The following ZNF384 variants were observed in gnomAD, a reference collection of about 807,000 sequenced individuals.
The protein encoded by ZNF384 is zinc finger protein 384.
Under a neutral mutation model 65.0 loss-of-function variants are expected in ZNF384, and 20 were observed. The ratio of observed to expected loss-of-function variants is 0.31; its 90% confidence interval spans 0.22 to 0.45. The LOEUF (loss-of-function observed/expected upper bound fraction) is 0.45. Ranked by LOEUF, ZNF384 falls within the 20% of genes least tolerant of loss-of-function variation. The pLI is 1.00. For missense variants in ZNF384, 549 were observed against 769.4 expected, an observed-to-expected ratio of 0.71 and a Z score of 3.39; for synonymous variants, 310 against 303.9, an observed-to-expected ratio of 1.02 and a Z score of -0.21.
At chr12:6,674,388 C>G (rs920411009) in intron 7 of ZNF384, among the ~76,000 whole-genome samples, 1 of 152,214 alleles carries the variant, frequency 6.6e-6, no homozygotes, top group Non-Finnish European at 1.5e-5. Flanking sequence ...AGCTATCTTT[C>G]ATTTTCGTAA....
chr12:6,667,367 A>G lies in ZNF384; in HGVS notation c.*347T>C. On this transcript the variant is annotated 3_prime_UTR_variant, in exon 12 of 12. Transcript: ENST00000683879. Reference sequence around the variant, plus strand: ...TACATCAGCCCAAACTTTGAGGATAAGGAGGGTAAGGATAGGGTAAGTGGC... The same window carrying G: ...TACATCAGCCCAAACTTTGAGGATAGGGAGGGTAAGGATAGGGTAAGTGGC... 1 of 449,592 alleles carries G rather than the reference A, an allele frequency of 2.2e-6. No homozygotes were observed. Among genetic ancestry groups the G allele is most frequent in the Non-Finnish European group, 4.1e-6 (1 of 241,274 alleles). 27.9% of individuals were successfully genotyped at this position (449,592 alleles called of 1,614,324 possible).
chr12:6,667,798 C>G lies in ZNF384; in HGVS notation c.1743G>C (p.Pro581=). The G allele has an allele frequency of 6.2e-7, 1 of 1,614,192 alleles. No homozygotes were observed. Among genetic ancestry groups the G allele is most frequent in the East Asian group, 2.2e-5 (1 of 44,874 alleles). The change falls in exon 12 of 12, where the codon CCG becomes CCC. Residue 581 remains proline (P), a synonymous_variant. Transcript: ENST00000683879. The part of the protein sequence containing the change: ...PPPQCSFDLT[P]YKTAEHHKDI... Reference sequence around the variant, plus strand: ...CCTTATGATGCTCCGCCGTCTTATACGGGGTCAGGTCAAAGGAACACTGGG... The same window carrying G: ...CCTTATGATGCTCCGCCGTCTTATAGGGGGTCAGGTCAAAGGAACACTGGG...
intron 2 of ZNF384, among the ~76,000 whole-genome samples, chr12:6,685,159 C>CA (rs1957451175): frequency 6.6e-6 from 1 of 151,770 alleles, no homozygotes; most frequent in Admixed American, 6.6e-5. Context: ...CCTGTATCTA[C>CA]AAAAAATTAA....
chr12:6,686,544 G>A (rs997118173), intron 2 of ZNF384, among the ~76,000 whole-genome samples: 4 of 152,320 alleles, frequency 2.6e-5, no homozygotes, highest in East Asian at 1.9e-4. Context: ...GTAAGCCACC[G>A]TGCCCGGCCA....
At chr12:6,687,532 T>C (rs561335116) in intron 2 of ZNF384, among the ~76,000 whole-genome samples, 5 of 152,286 alleles carry the variant, frequency 3.3e-5, no homozygotes, top group African/African-American at 7.2e-5. Context: ...CTCAAACTCT[T>C]TAGGTCCACT....
chr12:6,676,779 T>C (rs117471807), intron 7 of ZNF384, among the ~76,000 whole-genome samples: 3,416 of 152,326 alleles, frequency 0.022, 60 homozygotes, highest in Non-Finnish European at 0.035. Flanking sequence ...ATCAAACTTG[T>C]CAGGTACCTT....
chr12:6,685,062 T>A (rs182862462), intron 2 of ZNF384, among the ~76,000 whole-genome samples: 4 of 152,290 alleles, frequency 2.6e-5, no homozygotes, highest in African/African-American at 4.8e-5. Flanking sequence ...TATGCCTATA[T>A]ATTTAAAGAA....
chr12:6,670,678 G>C, intron 10 of ZNF384, 82 bp downstream of exon 10: 1 of 1,370,786 alleles, frequency 7.3e-7, no homozygotes, highest in Admixed American at 1.7e-5. Flanking sequence ...AAGGAGTCCT[G>C]AAAACATTTG....
In ZNF384 at chr12:6,677,398, T is replaced by C; in HGVS notation, c.687-139A>G. The C allele has an allele frequency of 5.4e-6, 5 of 926,742 alleles. No individual in the cohort carries two copies. The South Asian group carries it at 8.1e-5, about 15-fold the overall frequency. 57.4% of individuals were successfully genotyped at this position (926,742 alleles called of 1,614,324 possible). On this transcript the variant is annotated intron_variant, in intron 6 of 11. Transcript: ENST00000683879. ...CCCACTCTATACAGTGCTACCAAAC[T>C]CCCCAAACCCACTAGGGCACGTGAC...
chr12:6,667,903 T>TTGC lies in ZNF384; in HGVS notation c.1635_1637dup (p.Gln547dup), dbSNP rs3835029. ...GAGACTGGAAGTGTGGTGGTGGCTG[T>TTGC]TGCTGCTGCTGCTGCTGCTGCTGCT... On this transcript the variant is annotated inframe_insertion, in exon 12 of 12. Transcript: ENST00000683879. 9,949 of 1,547,416 alleles carry TTGC rather than the reference T, an allele frequency of 6.4e-3. 14 individuals are homozygous for TTGC. Among genetic ancestry groups the TTGC allele is most frequent in the African/African-American group, 0.023 (1,642 of 72,476 alleles).
At chr12:6,687,595 A>G (rs1306371896) in intron 2 of ZNF384, among the ~76,000 whole-genome samples, 4 of 151,714 alleles carry the variant, frequency 2.6e-5, no homozygotes. Context: ...TCTGGAGTCT[A>G]CTCCGTACAG....
At chr12:6,668,262 G>T in intron 11 of ZNF384, 147 bp from the exon 12 acceptor site, 1 of 784,338 alleles carries the variant, frequency 1.3e-6, no homozygotes, top group Non-Finnish European at 2.0e-6. Flanking sequence ...AACTCAAGTA[G>T]CACTTTCAGT....
chr12:6,668,269 C>G (rs1950273101), intron 11 of ZNF384, among the ~76,000 whole-genome samples, 154 bp from the exon 12 acceptor site: 2 of 152,112 alleles, frequency 1.3e-5, no homozygotes, highest in Admixed American at 1.3e-4. Context: ...GTAGCACTTT[C>G]AGTGGCTCAC....
chr12:6,666,798 G>A lies in ZNF384; in HGVS notation c.*916C>T, dbSNP rs969609752. ...GTTACAACAAAGATGGCCGTGATGAGTGAGTATAATATATTTATATATATA... is the reference window on the plus strand; with the variant it reads ...GTTACAACAAAGATGGCCGTGATGAATGAGTATAATATATTTATATATATA... On this transcript the variant is annotated 3_prime_UTR_variant, in exon 12 of 12. Coordinates refer to ENST00000683879, the MANE Select transcript of ZNF384 (RefSeq NM_001385745.1). 5.8e-6 allele frequency: 1 copy of A among 171,918 alleles called. No homozygotes were observed. Among genetic ancestry groups the A allele is most frequent in the African/African-American group, 2.4e-5 (1 of 41,808 alleles). The allele number at this position is 171,918 out of a possible 1,614,324, so 10.6% of individuals were successfully genotyped here.
Position 6,672,649 on chromosome 12 carries a change from C to A in ZNF384, c.1005-117G>T, listed in dbSNP as rs1392749790. ...GGATGAGAGCACCCCCTTCCTCCCTCCTCCCAAAAACACTCCAGCCTGGAT... is the reference window on the plus strand; with the variant it reads ...GGATGAGAGCACCCCCTTCCTCCCTACTCCCAAAAACACTCCAGCCTGGAT... On this transcript the variant is annotated intron_variant, in intron 8 of 11. Coordinates refer to ENST00000683879, the MANE Select transcript of ZNF384 (RefSeq NM_001385745.1). This position sits in a 1 kb window ranked among gnomAD's most constrained non-coding sequence, Gnocchi z 4.4. 1 of 1,020,100 alleles carries A rather than the reference C, an allele frequency of 9.8e-7. No homozygotes were observed. Among genetic ancestry groups the A allele is most frequent in the Non-Finnish European group, 1.4e-6 (1 of 695,114 alleles). 63.2% of individuals were successfully genotyped at this position (1,020,100 alleles called of 1,614,324 possible).
intron 3 of ZNF384, 51 bp from the exon 4 acceptor site, chr12:6,679,234 A>G: frequency 6.7e-7 from 1 of 1,496,482 alleles, no homozygotes; most frequent in South Asian, 1.3e-5. Flanking sequence ...TGAGAGGCTG[A>G]TTCTGCTTGC....
chr12:6,685,896 C>G (rs1957750895), intron 2 of ZNF384, among the ~76,000 whole-genome samples: 1 of 151,726 alleles, frequency 6.6e-6, no homozygotes, highest in Non-Finnish European at 1.5e-5. Flanking sequence ...ATCTCAGAAG[C>G]CCTCAGGAGA....
intron 2 of ZNF384, among the ~76,000 whole-genome samples, chr12:6,687,247 G>A (rs79376394): frequency 1.3e-5 from 2 of 152,060 alleles, no homozygotes; most frequent in African/African-American, 4.8e-5. Context: ...AAACTAAACA[G>A]GACTGCTACC....
intron 11 of ZNF384, 24 bp downstream of exon 11, chr12:6,669,007 G>T: frequency 6.3e-7 from 1 of 1,584,802 alleles, no homozygotes; most frequent in Non-Finnish European, 8.6e-7. Flanking sequence ...CTATGAGGAA[G>T]GAGAGAAGAA....
Sources: allele counts gnomAD v4.1 joint callset (sites outside exome capture counted in the v4.1 genomes callset), GRCh38; gene constraint gnomAD v4.1.1; non-coding constraint Gnocchi (gnomAD v3.1); transcripts MANE v1.5; gene names NCBI Gene and HGNC (gene_info 2026-07-23, HGNC 2026-07-21).